Variants in RNF43 observed in about 807,000 individuals in gnomAD.
RNF43 encodes the protein ring finger protein 43.
RNF43 carries 37 observed loss-of-function variants against 78.4 expected under a neutral mutation model. The ratio of observed to expected loss-of-function variants is 0.47; its 90% confidence interval spans 0.36 to 0.62. The LOEUF is 0.62. Ranked by LOEUF, RNF43 falls within the 20% of genes least tolerant of loss-of-function variation. The pLI, the probability that RNF43 is intolerant of heterozygous loss-of-function variation, is 0.00. For missense variants in RNF43, 774 were observed against 1,007.9 expected (o/e 0.77, Z 3.14); for synonymous variants, 347 against 395.0 (o/e 0.88, Z 1.44).
Position 58,360,717 on chromosome 17 carries a change from C to T in RNF43, c.849+66G>A, listed in dbSNP as rs577729911. The stretch of plus-strand genomic sequence containing the variant: ...TACCCATACCAGCCCCTAGGCCTGC[C>T]CACCCCTCCCCCAGCTTCAATCTCC... On this transcript the variant is annotated intron_variant, in intron 7 of 9. Coordinates refer to ENST00000407977, the MANE Select transcript of RNF43 (RefSeq NM_017763.6). The surrounding 1 kb of genome is among the most constrained non-coding windows in gnomAD (Gnocchi z 4.3). 2.0e-6 allele frequency: 3 copies of T among 1,518,202 alleles called. No individual in the cohort carries two copies. Among genetic ancestry groups the T allele is most frequent in the Middle Eastern group, 1.8e-4 (1 of 5,706 alleles). 94.0% of individuals were successfully genotyped at this position (1,518,202 alleles called of 1,614,324 possible).
rs1392154625 is a variant in RNF43, at chr17:58,354,693, C to T, written c.*250G>A. On this transcript the variant is annotated 3_prime_UTR_variant, in exon 10 of 10. Transcript: ENST00000407977. ...AGCCCACACACGCCACAGGCAGCAG[C>T]TGGTTGCCTGGCTGGACATGGATTT... 1 of 544,136 alleles carries T rather than the reference C, an allele frequency of 1.8e-6. No individual in the cohort carries two copies. The highest frequency in any genetic ancestry group is 3.3e-6 in the Non-Finnish European group (1 of 298,886). The allele number at this position is 544,136 out of a possible 1,614,324, so 33.7% of individuals were successfully genotyped here. A position where few individuals can be genotyped will look rare whatever the true frequency, so the allele number is the denominator to read the frequency against.
chr17:58,363,602 T>G lies in RNF43; in HGVS notation c.376-2A>C. ...TCCTCGCTCACCCGCCATCCGAGCCTGCAGAGGCACACAGTAGAGGTTGGG... is the reference window on the plus strand; with the variant it reads ...TCCTCGCTCACCCGCCATCCGAGCCGGCAGAGGCACACAGTAGAGGTTGGG... On this transcript the variant is annotated splice_acceptor_variant, in intron 3 of 9. Transcript: ENST00000407977. LOFTEE classifies it high-confidence loss of function. 6.2e-7 allele frequency: 1 copy of G among 1,610,162 alleles called. No individual in the cohort carries two copies. The highest frequency in any genetic ancestry group is 1.1e-5 in the South Asian group (1 of 90,768).
At chr17:58,382,630 CTCCTCTCAGTA>C (rs1435485832) in intron 2 of RNF43, among the ~76,000 whole-genome samples, 1 of 152,192 alleles carries the variant, frequency 6.6e-6, no homozygotes, top group Non-Finnish European at 1.5e-5. Flanking sequence ...CTTTTATTGT[CTCCTCTCAGTA>C]TCAGTGTACT....
At chr17:58,395,986 AT>A (rs113164232) in intron 2 of RNF43, among the ~76,000 whole-genome samples, 34,172 of 152,030 alleles carry the variant, frequency 0.22, 4,220 homozygotes, top group South Asian at 0.34. Context: ...CCTGGCATGC[AT>A]TTCCATTGCC....
chr17:58,414,432 C>T lies in RNF43; in HGVS notation c.252+894G>A, dbSNP rs190298182. 2.2e-4 allele frequency among the ~76,000 whole-genome samples: 33 copies of T among 152,314 alleles called. No individual in the cohort carries two copies. The East Asian group carries it at 6.4e-3, about 29-fold the overall frequency. ...AGCTACAGCAAGAAGTGTTCTTTTACATGATAAATTTCAATCAATAAGCAA... is the reference window on the plus strand; with the variant it reads ...AGCTACAGCAAGAAGTGTTCTTTTATATGATAAATTTCAATCAATAAGCAA... On this transcript the variant is annotated intron_variant, in intron 2 of 9. Coordinates refer to ENST00000407977, the MANE Select transcript of RNF43 (RefSeq NM_017763.6).
Position 58,385,106 on chromosome 17 carries a change from T to G in RNF43, c.253-14073A>C, listed in dbSNP as rs138618254. Among the ~76,000 whole-genome samples the G allele has an allele frequency of 3.6e-3, 552 of 152,318 alleles. 2 individuals carry two copies. The highest frequency in any genetic ancestry group is 6.0e-3 in the Non-Finnish European group (406 of 68,020). On this transcript the variant is annotated intron_variant, in intron 2 of 9. Coordinates refer to ENST00000407977, the MANE Select transcript of RNF43 (RefSeq NM_017763.6). ...ATTCTAGTTCTTCCACTTCTCTGAT[T>G]GTCCTCACTTGTTGCCTCTTCCTCT...
chr17:58,353,880 A>G lies in RNF43; in HGVS notation c.*1063T>C, dbSNP rs901324766. ...CAAATGGGATAATGCCTGAGGGGCC[A>G]AGAGTGGTCAGGCTGCCCTGGGGTG... On this transcript the variant is annotated 3_prime_UTR_variant, in exon 10 of 10. Coordinates refer to ENST00000407977, the MANE Select transcript of RNF43 (RefSeq NM_017763.6). 43 of 185,470 alleles carry G rather than the reference A, an allele frequency of 2.3e-4. No homozygotes were observed. The highest frequency in any genetic ancestry group is 9.9e-4 in the African/African-American group (42 of 42,592). The allele number at this position is 185,470 out of a possible 1,614,324, so 11.5% of individuals were successfully genotyped here.
At chr17:58,352,787 C>G, downstream of RNF43, 1 of 219,072 alleles carries the variant, frequency 4.6e-6, no homozygotes, top group Non-Finnish European at 9.2e-6. Flanking sequence ...TTTGCTCGTT[C>G]CGGCTGATAA....
chr17:58,407,499 G>A (rs1973938141), intron 2 of RNF43, among the ~76,000 whole-genome samples: 1 of 151,990 alleles, frequency 6.6e-6, no homozygotes, highest in Admixed American at 6.6e-5. Flanking sequence ...GGTTACTCTG[G>A]TGTTTCCAAA....
chr17:58,367,311 T>TC (rs1348775006), intron 3 of RNF43, among the ~76,000 whole-genome samples: 3 of 152,038 alleles, frequency 2.0e-5, no homozygotes, highest in South Asian at 4.1e-4. Flanking sequence ...GGTCCTTATA[T>TC]CAACTATTAT....
chr17:58,374,992 C>CGAT (rs1360616677), intron 2 of RNF43, among the ~76,000 whole-genome samples: 1 of 152,134 alleles, frequency 6.6e-6, no homozygotes, highest in African/African-American at 2.4e-5. Flanking sequence ...GCCTCCATCT[C>CGAT]CTTCACCCCC....
At chr17:58,414,023 A>G (rs1362956742) in intron 2 of RNF43, among the ~76,000 whole-genome samples, 2 of 152,208 alleles carry the variant, frequency 1.3e-5, no homozygotes, top group African/African-American at 4.8e-5. Context: ...TCAGCTTTTA[A>G]GTATTCCTAA....
At chr17:58,383,714 T>G (rs892144831) in intron 2 of RNF43, among the ~76,000 whole-genome samples, 1 of 152,194 alleles carries the variant, frequency 6.6e-6, no homozygotes, top group Non-Finnish European at 1.5e-5. Flanking sequence ...GCCTCCCGCG[T>G]TCAAGCGATT....
Position 58,381,737 on chromosome 17 carries a change from C to A in RNF43, c.253-10704G>T, listed in dbSNP as rs542317599. ...ACTAAAAAGTAAGATATATAAATAG[C>A]CTTTTATGGCAGAATTCTAGGCATT... On this transcript the variant is annotated intron_variant, in intron 2 of 9. Transcript: ENST00000407977. Among the ~76,000 whole-genome samples the A allele has an allele frequency of 1.4e-3, 217 of 152,254 alleles. 1 individual carries two copies. Among genetic ancestry groups the A allele is most frequent in the African/African-American group, 5.0e-3 (206 of 41,540 alleles).
rs1246029709 is a variant in RNF43, at chr17:58,417,530, C to A, written c.-899G>T. The A allele has an allele frequency of 6.6e-6, 1 of 152,212 alleles. No homozygotes were observed. Among genetic ancestry groups the A allele is most frequent in the Non-Finnish European group, 1.5e-5 (1 of 68,038 alleles). The allele number at this position is 152,212 out of a possible 1,614,324, so 9.4% of individuals were successfully genotyped here. A position where few individuals can be genotyped will look rare whatever the true frequency, so the allele number is the denominator to read the frequency against. The stretch of plus-strand genomic sequence containing the variant: ...TTTCAGAAAGACAATTCTGGATCAA[C>A]TCCCTAGAGCAGGAAGCCTGTGGTT... On this transcript the variant is annotated 5_prime_UTR_variant, in exon 1 of 10. Coordinates refer to ENST00000407977, the MANE Select transcript of RNF43 (RefSeq NM_017763.6).
chr17:58,407,582 G>A (rs1973939660), intron 2 of RNF43, among the ~76,000 whole-genome samples: 1 of 152,136 alleles, frequency 6.6e-6, no homozygotes, highest in African/African-American at 2.4e-5. Context: ...TGAACTGTAA[G>A]TTTAGAACCC....
At chr17:58,387,016 T>C (rs769061302) in intron 2 of RNF43, among the ~76,000 whole-genome samples, 9 of 152,180 alleles carry the variant, frequency 5.9e-5, no homozygotes, top group Non-Finnish European at 1.3e-4. Flanking sequence ...CACAATGCTC[T>C]AACATAAAAG....
intron 2 of RNF43, among the ~76,000 whole-genome samples, chr17:58,412,281 A>T (rs1974037058): frequency 2.0e-5 from 3 of 152,174 alleles, no homozygotes; most frequent in Admixed American, 2.0e-4. Context: ...TAATATAAAG[A>T]AGCAACTCTT....
In RNF43 at chr17:58,358,957, G is replaced by T; in HGVS notation, c.953-134C>A. On this transcript the variant is annotated intron_variant, in intron 8 of 9. Transcript: ENST00000407977. This position sits in a 1 kb window ranked among gnomAD's most constrained non-coding sequence, Gnocchi z 6.2. ...GCTCAGAGTTTGGGGGATCAAGGAC[G>T]TGCCTAAGCTGCCTGTGCTCTGGGA... 3.1e-6 allele frequency: 3 copies of T among 966,152 alleles called. No individual in the cohort carries two copies. The highest frequency in any genetic ancestry group is 4.4e-6 in the Non-Finnish European group (3 of 689,406). 59.8% of individuals were successfully genotyped at this position (966,152 alleles called of 1,614,324 possible). A position where few individuals can be genotyped will look rare whatever the true frequency, so the allele number is the denominator to read the frequency against.
Sources: allele counts gnomAD v4.1 joint callset (sites outside exome capture counted in the v4.1 genomes callset), GRCh38; gene constraint gnomAD v4.1.1; non-coding constraint Gnocchi (gnomAD v3.1); transcripts MANE v1.5; gene names NCBI Gene and HGNC (gene_info 2026-07-23, HGNC 2026-07-21).